ADAMTSL1: variants seen among roughly 807,000 people sequenced by gnomAD.
ADAMTSL1 encodes the protein ADAMTS-like protein 1.
Under a neutral mutation model 201.8 loss-of-function variants are expected in ADAMTSL1, and 126 were observed. That is an observed-to-expected ratio of 0.62 (90% CI 0.54 to 0.72). The LOEUF is 0.72. Ranked by LOEUF, ADAMTSL1 falls within the 30% of genes least tolerant of loss-of-function variation. The pLI is 0.00. For synonymous variants in ADAMTSL1, 1,121 were observed against 903.4 expected, an observed-to-expected ratio of 1.24 and a Z score of -4.32; for missense variants, 2,679 against 2,277.8, an observed-to-expected ratio of 1.18 and a Z score of -3.59.
At chr9:18,349,881 T>G (rs1048444288) in intron 2 of ADAMTSL1, among the ~76,000 whole-genome samples, 1 of 151,596 alleles carries the variant, frequency 6.6e-6, no homozygotes, top group Non-Finnish European at 1.5e-5. Flanking sequence ...TCTGTTAGTT[T>G]GAGAGATGCT....
intron 4 of ADAMTSL1, among the ~76,000 whole-genome samples, chr9:18,598,737 C>A (rs1047771780): frequency 2.6e-5 from 4 of 152,288 alleles, no homozygotes; most frequent in Non-Finnish European, 5.9e-5. Context: ...CCATAGTGAT[C>A]TCAGGGTGGC....
chr9:18,074,561 C>CTTTTTTTTTTTTTTTTTTTTT (rs138619215), intron 1 of ADAMTSL1, among the ~76,000 whole-genome samples: 2 of 131,338 alleles, frequency 1.5e-5, no homozygotes, highest in Non-Finnish European at 3.2e-5. Flanking sequence ...CTTCTCTTTT[C>CTTTTTTTTTTTTTTTTTTTTT]TTTTTTTTTT....
chr9:18,103,812 T>G (rs1464018299), intron 1 of ADAMTSL1, among the ~76,000 whole-genome samples: 1 of 152,162 alleles, frequency 6.6e-6, no homozygotes, highest in Non-Finnish European at 1.5e-5. Flanking sequence ...TCTAGGCCTT[T>G]GTTTCTGGAC....
At chr9:17,948,989 GT>G (rs1237782664) in intron 1 of ADAMTSL1, among the ~76,000 whole-genome samples, 1 of 152,168 alleles carries the variant, frequency 6.6e-6, no homozygotes, top group Non-Finnish European at 1.5e-5. Flanking sequence ...CAGATAGCTA[GT>G]TAAAAAATAT....
At chr9:18,804,143 G>T (rs1822965344) in intron 20 of ADAMTSL1, among the ~76,000 whole-genome samples, 1 of 152,088 alleles carries the variant, frequency 6.6e-6, no homozygotes, top group South Asian at 2.1e-4. Flanking sequence ...ATATAATAAT[G>T]AATGATAGCA....
intron 1 of ADAMTSL1, among the ~76,000 whole-genome samples, chr9:18,085,074 G>A (rs1823682718): frequency 1.3e-5 from 2 of 152,254 alleles, no homozygotes; most frequent in South Asian, 4.1e-4. Context: ...CTGGGAGCAT[G>A]CTAGTGTGTT....
At position 18,217,211 on chromosome 9, in the gene ADAMTSL1, G is replaced by A. The variant is rs535041113; in HGVS notation, c.207+53230G>A. On this transcript the variant is annotated intron_variant, in intron 2 of 29. Coordinates refer to the ADAMTSL1 transcript ENST00000680146. ...GTTAGGCCCTGGGTTCCACAGAAAT[G>A]ACAGCTAATAAAGTGTTTTTACATG... 5.3e-5 allele frequency among the ~76,000 whole-genome samples: 8 copies of A among 152,272 alleles called. No individual in the cohort carries two copies. The South Asian group carries it at 1.7e-3, about 32-fold the overall frequency.
intron 16 of ADAMTSL1, among the ~76,000 whole-genome samples, chr9:18,756,079 ATATATATATATAT>A (rs1819734398): frequency 8.7e-4 from 3 of 3,432 alleles, no homozygotes; most frequent in African/African-American, 1.8e-3. Flanking sequence ...TACTGAAAAT[ATATATATATATAT>A]ATATATATAT....
chr9:18,833,490 G>T (rs201071067), intron 23 of ADAMTSL1, among the ~76,000 whole-genome samples: 2 of 152,252 alleles, frequency 1.3e-5, no homozygotes, highest in South Asian at 2.1e-4. Flanking sequence ...ATTGTTGGAC[G>T]CATGTATATC....
At chr9:18,187,242 G>C (rs1295979031) in intron 2 of ADAMTSL1, among the ~76,000 whole-genome samples, 1 of 152,146 alleles carries the variant, frequency 6.6e-6, no homozygotes, top group Admixed American at 6.6e-5. Context: ...TACTCTCCAT[G>C]GAGTACAGTC....
chr9:17,985,247 A>T (rs1011120084), intron 1 of ADAMTSL1, among the ~76,000 whole-genome samples: 6 of 152,238 alleles, frequency 3.9e-5, no homozygotes, highest in Admixed American at 3.9e-4. Context: ...AGAATGATGT[A>T]ATCACCCTAT....
At chr9:18,287,857 A>C (rs2132663087) in intron 2 of ADAMTSL1, among the ~76,000 whole-genome samples, 1 of 152,302 alleles carries the variant, frequency 6.6e-6, no homozygotes, top group Middle Eastern at 3.4e-3. Flanking sequence ...CTGTCAAACT[A>C]TTCATTGCTC....
At chr9:17,922,710 C>T (rs886283928) in intron 1 of ADAMTSL1, among the ~76,000 whole-genome samples, 7 of 116,726 alleles carry the variant, frequency 6.0e-5, no homozygotes, top group African/African-American at 2.0e-4. Flanking sequence ...AACCACGCAT[C>T]TCATAACTCT....
intron 23 of ADAMTSL1, among the ~76,000 whole-genome samples, chr9:18,838,402 C>CACACACACACACACACACACAA (rs754001590): frequency 1.6e-5 from 2 of 125,428 alleles, no homozygotes; most frequent in East Asian, 4.3e-4. Context: ...CACACACACA[C>CACACACACACACACACACACAA]GCAAAAACCT....
intron 4 of ADAMTSL1, among the ~76,000 whole-genome samples, chr9:18,583,289 A>C (rs952905938): frequency 3.9e-5 from 6 of 152,198 alleles, no homozygotes; most frequent in African/African-American, 1.4e-4. Context: ...AAAGGGGTCA[A>C]GGTAGGGCTC....
chr9:18,279,799 C>T (rs549811891), intron 2 of ADAMTSL1, among the ~76,000 whole-genome samples: 4 of 152,228 alleles, frequency 2.6e-5, no homozygotes, highest in Admixed American at 1.3e-4. Context: ...TCTTGTGGGG[C>T]TCACAGGTGC....
intron 2 of ADAMTSL1, among the ~76,000 whole-genome samples, chr9:18,327,628 C>A (rs1490274652): frequency 6.6e-6 from 1 of 152,212 alleles, no homozygotes; most frequent in Non-Finnish European, 1.5e-5. Context: ...AATAGTTACA[C>A]TTCAGGTTCC....
At chr9:18,714,164 A>T in intron 14 of ADAMTSL1, among the ~76,000 whole-genome samples, 1 of 152,218 alleles carries the variant, frequency 6.6e-6, no homozygotes, top group Admixed American at 6.5e-5. Context: ...TCCAAAATTG[A>T]CACCCTAACA....
intron 1 of ADAMTSL1, among the ~76,000 whole-genome samples, chr9:18,018,211 T>A (rs1444831366): frequency 6.6e-6 from 1 of 152,116 alleles, no homozygotes; most frequent in African/African-American, 2.4e-5. Context: ...ATCACAGTAG[T>A]GGTGATAGTA....
Sources: gnomAD v4.1 joint callset for allele counts (sites outside exome capture counted in the v4.1 genomes callset) on GRCh38, gnomAD v4.1.1 for gene constraint, MANE v1.5 for transcripts, NCBI Gene and HGNC (gene_info 2026-07-23, HGNC 2026-07-21) for gene names.